Variants in ATP6V1C2 observed in about 807,000 individuals in gnomAD.
ATP6V1C2 encodes the protein V-type proton ATPase subunit C 2.
ATP6V1C2 carries 45 observed loss-of-function variants against 56.8 expected under a neutral mutation model. That is an observed-to-expected ratio of 0.79 (90% CI 0.62 to 1.02). ATP6V1C2 has a LOEUF of 1.02. Ranked by LOEUF, ATP6V1C2 falls within the 50% of genes least tolerant of loss-of-function variation. ATP6V1C2 has a pLI of 0.00. For missense variants in ATP6V1C2, 463 were observed against 519.7 expected, an observed-to-expected ratio of 0.89 and a Z score of 1.06; for synonymous variants, 220 against 201.3, an observed-to-expected ratio of 1.09 and a Z score of -0.79.
In ATP6V1C2 at chr2:10,774,895, G is replaced by A. The variant is rs778685738; in HGVS notation, c.731+15G>A. On this transcript the variant is annotated intron_variant, in intron 9 of 13. Transcript: ENST00000272238. ...AAAGAAAACAAGTAAGGGTCCTCCAGGTTTGGTTCATCTCCCGCTGCGGGG... is the reference window on the plus strand; with the variant it reads ...AAAGAAAACAAGTAAGGGTCCTCCAAGTTTGGTTCATCTCCCGCTGCGGGG... The A allele has an allele frequency of 6.2e-7, 1 of 1,613,880 alleles. No individual in the cohort carries two copies. The highest frequency in any genetic ancestry group is 2.2e-5 in the East Asian group (1 of 44,884).
Position 10,778,662 on chromosome 2 carries a change from G to A in ATP6V1C2, c.1054G>A (p.Val352Met), listed in dbSNP as rs1285631302. 3.1e-6 allele frequency: 5 copies of A among 1,614,140 alleles called. No homozygotes were observed. In the South Asian group the frequency reaches 3.3e-5, roughly 11 times the overall value. ...GGCCCTGAGAGTGTTTGTGGAGTCC[G>A]TGCTCAGGTGCGTGGCAGTGATGCC... ...IKALRVFVES[V>M]LRYGLPVNFQ... Residue 352 changes from valine (V) to methionine (M), a missense_variant, in exon 12 of 14, where the codon GTG (valine) becomes ATG (methionine). Transcript: ENST00000272238.
intron 5 of ATP6V1C2, 59 bp downstream of exon 5, chr2:10,764,484 T>C: frequency 6.9e-7 from 1 of 1,455,824 alleles, no homozygotes; most frequent in Non-Finnish European, 9.6e-7. Context: ...GGCAAGAGCC[T>C]GGGTAGGGCC....
rs950135172 is a variant in ATP6V1C2 at position 10,780,888 on chromosome 2, G to A, written c.1062-1355G>A. Among the ~76,000 whole-genome samples the A allele has an allele frequency of 2.6e-5, 4 of 152,108 alleles. No individual in the cohort carries two copies. The highest frequency in any genetic ancestry group is 7.2e-5 in the African/African-American group (3 of 41,412). ...CCTCCCCTAGTAGCTGGGATTACAG[G>A]CGTGCACCACCACGCCCAGCTAATT... On this transcript the variant is annotated intron_variant, in intron 12 of 13. Transcript: ENST00000272238. This position sits in a 1 kb window ranked among gnomAD's most constrained non-coding sequence, Gnocchi z 4.1.
chr2:10,732,769 G>A (rs1485895253), intron 3 of ATP6V1C2, among the ~76,000 whole-genome samples: 1 of 151,640 alleles, frequency 6.6e-6, no homozygotes, highest in East Asian at 2.0e-4. Context: ...TCAAGAGATC[G>A]AGACCATCCT....
chr2:10,754,314 C>T (rs188442149), intron 4 of ATP6V1C2, among the ~76,000 whole-genome samples: 90 of 152,254 alleles, frequency 5.9e-4, no homozygotes, highest in African/African-American at 2.0e-3. Flanking sequence ...CAACCTCCGC[C>T]GCCCGGGTTC....
At position 10,757,298 on chromosome 2, in the gene ATP6V1C2, C is replaced by G. The variant is rs1003142226; in HGVS notation, c.283+3232C>G. The G allele has an allele frequency of 3.1e-5, 12 of 383,836 alleles. No homozygotes were observed. The Admixed American group carries it at 3.6e-4, about 12-fold the overall frequency. 23.8% of individuals were successfully genotyped at this position (383,836 alleles called of 1,614,324 possible). On this transcript the variant is annotated intron_variant, in intron 4 of 13. Transcript: ENST00000272238. ...AAAGTGCTAGGATTACAGGCGTGAG[C>G]CACCGCGCCCGGCCAGAGGAGACTT... is the stretch of plus-strand genomic sequence containing the variant.
intron 3 of ATP6V1C2, chr2:10,744,276 A>G (rs1444295304): frequency 6.6e-6 from 1 of 152,214 alleles, no homozygotes; most frequent in Non-Finnish European, 1.5e-5. Flanking sequence ...TAGATACTCT[A>G]AAATTACTCT....
At chr2:10,745,434 A>G (rs1286533591) in intron 3 of ATP6V1C2, among the ~76,000 whole-genome samples, 1 of 148,938 alleles carries the variant, frequency 6.7e-6, no homozygotes, top group East Asian at 2.0e-4. Context: ...AACTCACTGC[A>G]ACCTCCACCT....
At chr2:10,748,817 T>G (rs2148449635) in intron 3 of ATP6V1C2, among the ~76,000 whole-genome samples, 1 of 151,988 alleles carries the variant, frequency 6.6e-6, no homozygotes, top group East Asian at 1.9e-4. Flanking sequence ...GTCACTTAGC[T>G]CAAAACTTTT....
At chr2:10,761,398 C>T (rs1251122916) in intron 4 of ATP6V1C2, among the ~76,000 whole-genome samples, 1 of 152,042 alleles carries the variant, frequency 6.6e-6, no homozygotes, top group African/African-American at 2.4e-5. Context: ...CACTGTCGTT[C>T]CTGCCACAGG....
intron 3 of ATP6V1C2, among the ~76,000 whole-genome samples, chr2:10,734,283 G>A (rs1662136832): frequency 6.6e-6 from 1 of 151,978 alleles, no homozygotes; most frequent in South Asian, 2.1e-4. Context: ...AGCTCCTGGA[G>A]ACTCTTTTCC....
chr2:10,733,069 A>G (rs1292250595), intron 3 of ATP6V1C2, among the ~76,000 whole-genome samples: 1 of 152,198 alleles, frequency 6.6e-6, no homozygotes, highest in Non-Finnish European at 1.5e-5. Context: ...TGTTTTCTAA[A>G]CAATAAGGAC....
At chr2:10,772,741 C>A in intron 8 of ATP6V1C2, 131 bp downstream of exon 8, 2 of 794,154 alleles carry the variant, frequency 2.5e-6, no homozygotes, top group Admixed American at 2.0e-5. Flanking sequence ...CTCTCCTGTC[C>A]CTTGGCCTGG....
At chr2:10,756,220 C>T (rs543494522) in intron 4 of ATP6V1C2, among the ~76,000 whole-genome samples, 2 of 151,888 alleles carry the variant, frequency 1.3e-5, no homozygotes, top group South Asian at 2.1e-4. Context: ...ATTAGCTGGG[C>T]GTAGTGGTGC....
At position 10,784,379 on chromosome 2, in the gene ATP6V1C2, A is replaced by G; in HGVS notation, c.*1116A>G. On this transcript the variant is annotated 3_prime_UTR_variant, in exon 14 of 14. Transcript: ENST00000272238. ...GATCTGCAGAAGGGGACACCCTGGA[A>G]GGTCAACATCTCATTTTATGGAAGA... The G allele has an allele frequency of 6.3e-6, 9 of 1,423,470 alleles. No homozygotes were observed. Among genetic ancestry groups the G allele is most frequent in the Non-Finnish European group, 8.8e-6 (9 of 1,018,172 alleles). The allele number at this position is 1,423,470 out of a possible 1,614,324, so 88.2% of individuals were successfully genotyped here. A position where few individuals can be genotyped will look rare whatever the true frequency, so the allele number is the denominator to read the frequency against.
At chr2:10,726,478 CT>C (rs763444135) in intron 2 of ATP6V1C2, 23 bp from the exon 3 acceptor site, 1 of 1,605,890 alleles carries the variant, frequency 6.2e-7, no homozygotes, top group Non-Finnish European at 8.5e-7. Flanking sequence ...CTGTGAGCCT[CT>C]GACGTTTTTA....
At position 10,784,728 on chromosome 2, in the gene ATP6V1C2, G is replaced by GA; in HGVS notation, c.*1465_*1466insA. The stretch of plus-strand genomic sequence containing the variant: ...AACCTTACTACTGAAATGTATCTTG[G>GA]CTGTCAAGAGTATCAAATGCCATGC... On this transcript the variant is annotated 3_prime_UTR_variant, in exon 14 of 14. Coordinates refer to ENST00000272238, the MANE Select transcript of ATP6V1C2 (RefSeq NM_001039362.2). The GA allele has an allele frequency of 1.8e-6, 1 of 554,440 alleles. No individual in the cohort carries two copies. The highest frequency in any genetic ancestry group is 3.2e-6 in the Non-Finnish European group (1 of 314,252). 34.3% of individuals were successfully genotyped at this position (554,440 alleles called of 1,614,324 possible). A position where few individuals can be genotyped will look rare whatever the true frequency, so the allele number is the denominator to read the frequency against.
intron 13 of ATP6V1C2, 51 bp from the exon 14 acceptor site, chr2:10,783,123 G>A (rs377519137): frequency 2.1e-6 from 3 of 1,445,000 alleles, no homozygotes; most frequent in Admixed American, 1.7e-5. Flanking sequence ...AAAAGGATAA[G>A]ACAGGAAACT....
chr2:10,742,185 T>C lies in ATP6V1C2; in HGVS notation c.198-11796T>C, dbSNP rs61476448. 4.2e-3 allele frequency among the ~76,000 whole-genome samples: 641 copies of C among 152,272 alleles called. 11 individuals carry two copies. The highest frequency in any genetic ancestry group is 0.015 in the African/African-American group (607 of 41,550). ...TCGGCCTCCCAAAGTGCTGGGATTA[T>C]AGGCGTGAGTCACCACGCTGGCCTT... On this transcript the variant is annotated intron_variant, in intron 3 of 13. Coordinates refer to ENST00000272238, the MANE Select transcript of ATP6V1C2 (RefSeq NM_001039362.2).
Sources: allele counts gnomAD v4.1 joint callset (sites outside exome capture counted in the v4.1 genomes callset), GRCh38; gene constraint gnomAD v4.1.1; non-coding constraint Gnocchi (gnomAD v3.1); transcripts MANE v1.5; gene names NCBI Gene and HGNC (gene_info 2026-07-23, HGNC 2026-07-21).